CCDC30: variants seen among roughly 807,000 people sequenced by gnomAD.
CCDC30 encodes the protein coiled-coil domain containing 30.
In CCDC30, 70 loss-of-function variants were observed where a neutral mutation model predicts 100.2. The ratio of observed to expected loss-of-function variants is 0.70; its 90% CI spans 0.58 to 0.85. The LOEUF (loss-of-function observed/expected upper bound fraction) is 0.85. CCDC30 is among the 40% of genes least tolerant of loss of function. The pLI, the probability that CCDC30 is intolerant of heterozygous loss-of-function variation, is 0.00. For synonymous variants in CCDC30, 233 were observed against 269.5 expected, an observed-to-expected ratio of 0.86 and a Z score of 1.33; for missense variants, 652 against 771.2, an observed-to-expected ratio of 0.85 and a Z score of 1.83.
At chr1:42,514,601 T>C (rs1339220213) in intron 6 of CCDC30, among the ~76,000 whole-genome samples, 1 of 152,212 alleles carries the variant, frequency 6.6e-6, no homozygotes, top group Non-Finnish European at 1.5e-5. Context: ...ATTCTTTTTG[T>C]TGAGTCTCAG....
At chr1:42,555,490 G>A (rs1645350553) in intron 6 of CCDC30, among the ~76,000 whole-genome samples, 1 of 152,154 alleles carries the variant, frequency 6.6e-6, no homozygotes, top group African/African-American at 2.4e-5. Context: ...CACAGATCAT[G>A]TCCTGTTGAA....
chr1:42,549,993 T>C (rs1645216790), intron 6 of CCDC30, among the ~76,000 whole-genome samples: 1 of 152,246 alleles, frequency 6.6e-6, no homozygotes. Context: ...CAAGTTCAAC[T>C]TGATGTTGAC....
At chr1:42,497,484 T>C (rs1391689554) in intron 5 of CCDC30, among the ~76,000 whole-genome samples, 1 of 152,210 alleles carries the variant, frequency 6.6e-6, no homozygotes, top group Non-Finnish European at 1.5e-5. Context: ...TAATAGTTTA[T>C]AGTTAACACG....
At chr1:42,639,016 T>C (rs1647223402) in intron 12 of CCDC30, among the ~76,000 whole-genome samples, 2 of 152,216 alleles carry the variant, frequency 1.3e-5, no homozygotes, top group Admixed American at 6.5e-5. Context: ...ATTTTGCTTC[T>C]AGGCCAGAAA....
At chr1:42,615,587 G>A (rs1220496656) in intron 11 of CCDC30, among the ~76,000 whole-genome samples, 1 of 152,026 alleles carries the variant, frequency 6.6e-6, no homozygotes, top group African/African-American at 2.4e-5. Context: ...AAAGGTGTGA[G>A]CCACCGCGCC....
At chr1:42,501,094 C>T (rs1324643152) in intron 6 of CCDC30, among the ~76,000 whole-genome samples, 1 of 152,096 alleles carries the variant, frequency 6.6e-6, no homozygotes, top group Non-Finnish European at 1.5e-5. Context: ...TTTAAGAAAT[C>T]TTTATCTACT....
chr1:42,557,785 CA>C (rs1645402924), intron 6 of CCDC30, among the ~76,000 whole-genome samples: 1 of 145,344 alleles, frequency 6.9e-6, no homozygotes, highest in Non-Finnish European at 1.5e-5. Flanking sequence ...AGGCTAGTTC[CA>C]ATTTGTTTTA....
At chr1:42,537,550 C>T in intron 6 of CCDC30, 1 of 336,024 alleles carries the variant, frequency 3.0e-6, no homozygotes, top group East Asian at 8.4e-5. Context: ...CAAGTAGCTC[C>T]TCTCCTGAAG....
chr1:42,468,003 C>T (rs548767300), intron 1 of CCDC30, among the ~76,000 whole-genome samples: 2 of 152,330 alleles, frequency 1.3e-5, no homozygotes, highest in South Asian at 4.1e-4. Flanking sequence ...AGCTCAGAGA[C>T]AGAAGACCTC....
chr1:42,625,363 A>G (rs1646913617), intron 11 of CCDC30, among the ~76,000 whole-genome samples: 1 of 151,778 alleles, frequency 6.6e-6, no homozygotes, highest in Non-Finnish European at 1.5e-5. Flanking sequence ...CTTCATTTCG[A>G]TTTCATTTAT....
At chr1:42,607,240 A>G (rs974880498) in intron 10 of CCDC30, among the ~76,000 whole-genome samples, 1 of 152,200 alleles carries the variant, frequency 6.6e-6, no homozygotes, top group African/African-American at 2.4e-5. Flanking sequence ...GCAACAGAGA[A>G]AGACCCAATC....
chr1:42,580,858 TG>T (rs1167655566), intron 8 of CCDC30: 1 of 456,222 alleles, frequency 2.2e-6, no homozygotes, highest in Non-Finnish European at 4.4e-6. Flanking sequence ...AGCCACACTG[TG>T]GAGAAACTAG....
intron 6 of CCDC30, chr1:42,556,168 A>G: frequency 6.2e-7 from 1 of 1,609,218 alleles, no homozygotes; most frequent in Non-Finnish European, 8.5e-7. Context: ...CCAAATTAGG[A>G]GAAAGAAAGC....
rs1417960788 is a variant in CCDC30, at chr1:42,620,139, T to A, written c.1277+9049T>A. ...AAGATCATAGGCTCTGGGGTCAGAT[T>A]CTTCTCTTTAGAATAACTTCTTTTA... On this transcript the variant is annotated intron_variant, in intron 11 of 16. Transcript: ENST00000668663. 2.0e-5 allele frequency among the ~76,000 whole-genome samples: 3 copies of A among 152,180 alleles called. No homozygotes were observed. In the South Asian group the frequency reaches 6.2e-4, roughly 32 times the overall value.
At chr1:42,506,229 A>G (rs548267690) in intron 6 of CCDC30, among the ~76,000 whole-genome samples, 1 of 152,364 alleles carries the variant, frequency 6.6e-6, no homozygotes, top group South Asian at 2.1e-4. Context: ...GACTTCTTTT[A>G]GTGTAGTTCA....
At chr1:42,603,229 G>A (rs1646438855) in intron 10 of CCDC30, among the ~76,000 whole-genome samples, 1 of 152,176 alleles carries the variant, frequency 6.6e-6, no homozygotes, top group African/African-American at 2.4e-5. Flanking sequence ...CCCTCTGGAG[G>A]GGAGGAACTC....
At chr1:42,548,977 C>T (rs896454570) in intron 6 of CCDC30, among the ~76,000 whole-genome samples, 2 of 152,038 alleles carry the variant, frequency 1.3e-5, no homozygotes, top group South Asian at 2.1e-4. Context: ...GGTAATGGGC[C>T]GTGTCTTGTT....
chr1:42,592,687 C>T (rs1353402430), intron 10 of CCDC30: 1 of 152,144 alleles, frequency 6.6e-6, no homozygotes, highest in African/African-American at 2.4e-5. Context: ...GCACTCCAGC[C>T]TGGACAACAA....
chr1:42,545,162 T>TAA (rs57060353), intron 6 of CCDC30, among the ~76,000 whole-genome samples: 1,431 of 64,504 alleles, frequency 0.022, 77 homozygotes, highest in African/African-American at 0.058. Flanking sequence ...AAAATACCTT[T>TAA]AAAAAAAAAA....
Sources: gnomAD v4.1 joint callset for allele counts (sites outside exome capture counted in the v4.1 genomes callset) on GRCh38, gnomAD v4.1.1 for gene constraint, MANE v1.5 for transcripts, NCBI Gene and HGNC (gene_info 2026-07-23, HGNC 2026-07-21) for gene names.